Variants in CAND1 observed in about 807,000 individuals in gnomAD.
CAND1 encodes cullin-associated NEDD8-dissociated protein 1.
Under a neutral mutation model 108.5 loss-of-function variants are expected in CAND1, and 7 were observed. The observed-to-expected ratio is 0.06, with a 90% CI of 0.04 to 0.12. The LOEUF is 0.12. Ranked by LOEUF, CAND1 falls within the 10% of genes least tolerant of loss-of-function variation. CAND1 has a pLI of 1.00. For synonymous variants in CAND1, 534 were observed against 512.0 expected (o/e 1.04, Z -0.58); for missense variants, 941 against 1,448.7 (o/e 0.65, Z 5.69).
At chr12:67,287,893 T>C (rs2136000869) in intron 2 of CAND1, among the ~76,000 whole-genome samples, 1 of 150,910 alleles carries the variant, frequency 6.6e-6, no homozygotes, top group Middle Eastern at 3.5e-3. Flanking sequence ...CATTGGTTAT[T>C]TAGAAGCAGT....
Position 67,293,489 on chromosome 12 carries a change from C to G in CAND1, c.367+713C>G, listed in dbSNP as rs377517541. On this transcript the variant is annotated intron_variant, in intron 3 of 14. Coordinates refer to ENST00000545606, the MANE Select transcript of CAND1 (RefSeq NM_018448.5). Reference sequence around the variant, plus strand: ...AGTCTGGGGGCCGGGCGAGGTGGCTCACGCCTATAATCCCAGCACTTTGGG... The same window carrying G: ...AGTCTGGGGGCCGGGCGAGGTGGCTGACGCCTATAATCCCAGCACTTTGGG... Among the ~76,000 whole-genome samples, 167 of 152,330 alleles carry G rather than the reference C, an allele frequency of 1.1e-3. 1 individual carries two copies. In the South Asian group the frequency reaches 0.014, roughly 13 times the overall value.
chr12:67,303,436 T>TGA (rs2044845470), intron 8 of CAND1, among the ~76,000 whole-genome samples: 1 of 152,100 alleles, frequency 6.6e-6, no homozygotes, highest in African/African-American at 2.4e-5. Flanking sequence ...TAGAAGGAAA[T>TGA]GAGATAAAGT....
intron 1 of CAND1, among the ~76,000 whole-genome samples, chr12:67,276,724 T>TATGCCTTAG (rs1555180492): frequency 6.6e-6 from 1 of 152,220 alleles, no homozygotes; most frequent in African/African-American, 2.4e-5. Context: ...AAGAAAACAA[T>TATGCCTTAG]ATGCCTTAGC....
intron 1 of CAND1, among the ~76,000 whole-genome samples, chr12:67,276,620 A>G (rs2044571895): frequency 6.6e-6 from 1 of 152,236 alleles, no homozygotes; most frequent in African/African-American, 2.4e-5. Context: ...AAGAAGTATC[A>G]GTCACTCATT....
At chr12:67,291,016 C>T (rs1245177062) in intron 2 of CAND1, among the ~76,000 whole-genome samples, 1 of 152,168 alleles carries the variant, frequency 6.6e-6, no homozygotes, top group Non-Finnish European at 1.5e-5. Flanking sequence ...CTGAAACTGC[C>T]TCCCCTGCAA....
At chr12:67,285,782 G>A (rs918787013) in intron 2 of CAND1, among the ~76,000 whole-genome samples, 3 of 151,980 alleles carry the variant, frequency 2.0e-5, no homozygotes, top group Non-Finnish European at 4.4e-5. Context: ...ATGGAATTAC[G>A]TAGTATGTGT....
At chr12:67,291,106 G>A (rs1290802520) in intron 2 of CAND1, among the ~76,000 whole-genome samples, 3 of 152,134 alleles carry the variant, frequency 2.0e-5, no homozygotes, top group African/African-American at 7.2e-5. Flanking sequence ...TGAGATTCAT[G>A]TACCAAACTT....
intron 1 of CAND1, chr12:67,270,441 C>T (rs989903040): frequency 3.9e-5 from 6 of 152,234 alleles, no homozygotes; most frequent in African/African-American, 1.2e-4. Flanking sequence ...TTCCTCTTGT[C>T]AGGTAAAACC....
chr12:67,305,685 G>T lies in CAND1; in HGVS notation c.2017G>T (p.Ala673Ser). 1 of 1,614,022 alleles carries T rather than the reference G, an allele frequency of 6.2e-7. No homozygotes were observed. The highest frequency in any genetic ancestry group is 8.5e-7 in the Non-Finnish European group (1 of 1,179,956). Reference sequence around the variant, plus strand: ...AGCTTTGAAACTGGGTACTCTTTCTGCCCTTGATATTCTAATAAAAAACTA... The same window carrying T: ...AGCTTTGAAACTGGGTACTCTTTCTTCCCTTGATATTCTAATAAAAAACTA... ...QRALKLGTLS[A>S]LDILIKNYSD... is the part of the protein sequence containing the mutation. Residue 673 changes from alanine (A) to serine (S), a missense_variant, in exon 10 of 15, where the codon GCC becomes TCC. Physicochemically the swap from Ala to Ser is moderately conservative, Grantham distance 99 (BLOSUM62 1). This residue lies in a region of CAND1 where 697 missense variants were observed against 942.0 expected (regional missense o/e 0.74). Coordinates refer to ENST00000545606, the MANE Select transcript of CAND1 (RefSeq NM_018448.5). This position sits in a 1 kb window ranked among gnomAD's most constrained non-coding sequence, Gnocchi z 4.4.
chr12:67,292,580 C>G (rs2044732711), intron 2 of CAND1, 42 bp from the exon 3 acceptor site: 4 of 1,479,342 alleles, frequency 2.7e-6, no homozygotes, highest in Admixed American at 2.2e-5. Context: ...TGTTTTTGTG[C>G]TTATCTAGCT....
In CAND1 at chr12:67,314,065, C is replaced by T. The variant is rs1277894275; in HGVS notation, c.*1235C>T. On this transcript the variant is annotated 3_prime_UTR_variant, in exon 15 of 15. Transcript: ENST00000545606. ...CATATCCTTCAGTGAGCTCATTTCA[C>T]ACTGTAGCCTCTTCCTTAAAATTTG... 1 of 152,360 alleles carries T rather than the reference C, an allele frequency of 6.6e-6. No individual in the cohort carries two copies. Among genetic ancestry groups the T allele is most frequent in the Non-Finnish European group, 1.5e-5 (1 of 67,998 alleles). The allele number at this position is 152,360 out of a possible 1,614,324, so 9.4% of individuals were successfully genotyped here.
At chr12:67,272,842 A>G (rs1018864593) in intron 1 of CAND1, among the ~76,000 whole-genome samples, 2 of 152,046 alleles carry the variant, frequency 1.3e-5, no homozygotes, top group Non-Finnish European at 2.9e-5. Context: ...GATTACAGGC[A>G]CACACCACCA....
At chr12:67,284,196 A>G (rs1386022592) in intron 2 of CAND1, among the ~76,000 whole-genome samples, 2 of 152,160 alleles carry the variant, frequency 1.3e-5, no homozygotes, top group Middle Eastern at 3.2e-3. Context: ...GTACTGTTCT[A>G]GAACATAGGG....
At position 67,295,039 on chromosome 12, in the gene CAND1, C is replaced by T; in HGVS notation, c.374C>T (p.Ala125Val). The change falls in exon 4 of 15, where the codon GCA (alanine) becomes GTA (valine). Residue 125 changes from alanine to valine, a missense_variant. Ala to Val is a moderately conservative substitution (Grantham distance 64). This residue lies in a region of CAND1 where 697 missense variants were observed against 942.0 expected (regional missense o/e 0.74). Coordinates refer to ENST00000545606, the MANE Select transcript of CAND1 (RefSeq NM_018448.5). ...GELPPASSGS[A>V]LAANVCKKIT... The stretch of plus-strand genomic sequence containing the variant: ...TGGCTTCTTATTCATGCAGGCTCTG[C>T]ATTAGCTGCTAATGTATGTAAAAAG... 1.2e-6 allele frequency: 2 copies of T among 1,610,856 alleles called. No individual in the cohort carries two copies. Among genetic ancestry groups the T allele is most frequent in the Admixed American group, 3.3e-5 (2 of 59,758 alleles).
chr12:67,305,971 A>G lies in CAND1; in HGVS notation c.2303A>G (p.Asn768Ser). 6.2e-7 allele frequency: 1 copy of G among 1,614,196 alleles called. No individual in the cohort carries two copies. Among genetic ancestry groups the G allele is most frequent in the Non-Finnish European group, 8.5e-7 (1 of 1,180,026 alleles). Residue 768 changes from asparagine (N) to serine (S), a missense_variant, in exon 10 of 15, where the codon AAT becomes AGT. Coordinates refer to ENST00000545606, the MANE Select transcript of CAND1 (RefSeq NM_018448.5). The surrounding 1 kb of genome is among the most constrained non-coding windows in gnomAD (Gnocchi z 4.4). ...CAAGCTCTGGTTGTCACTGGAACAAATAATTTAGGATACATGGATTTGTTG... is the reference window on the plus strand; with the variant it reads ...CAAGCTCTGGTTGTCACTGGAACAAGTAATTTAGGATACATGGATTTGTTG... ...FFQALVVTGTNNLGYMDLLRM... is the reference protein window; with the variant it reads ...FFQALVVTGTSNLGYMDLLRM...
chr12:67,303,674 G>A (rs1458870276), intron 8 of CAND1, among the ~76,000 whole-genome samples: 1 of 152,264 alleles, frequency 6.6e-6, no homozygotes, highest in Middle Eastern at 3.4e-3. Context: ...TATTCTAGAA[G>A]CTCCGTTGAT....
chr12:67,282,325 C>G (rs1026112256), intron 2 of CAND1: 1 of 288,532 alleles, frequency 3.5e-6, no homozygotes, highest in African/African-American at 2.2e-5. Flanking sequence ...ATTTGTTTCA[C>G]TATAGTCTAC....
chr12:67,302,239 TTAAGAA>T, intron 7 of CAND1, 78 bp from the exon 8 acceptor site: 18 of 1,262,242 alleles, frequency 1.4e-5, no homozygotes, highest in Non-Finnish European at 1.9e-5. Context: ...ACTGATTTGG[TTAAGAA>T]TATCAATTGA....
rs748606273 is a variant in CAND1 at position 67,299,013 on chromosome 12, C to G, written c.918C>G (p.Thr306=). Residue 306 remains threonine (T), a synonymous_variant, in exon 7 of 15, where the codon ACC becomes ACG. Coordinates refer to ENST00000545606, the MANE Select transcript of CAND1 (RefSeq NM_018448.5). ...TIINICLKYL[T]YDPNYNYDDE... ...TAAATATTTGTCTTAAATATCTTAC[C>G]TATGATCCAAATTATAATTACGATG... 4 of 1,503,420 alleles carry G rather than the reference C, an allele frequency of 2.7e-6. No individual in the cohort carries two copies. The highest frequency in any genetic ancestry group is 3.7e-6 in the Non-Finnish European group (4 of 1,081,648). 93.1% of individuals were successfully genotyped at this position (1,503,420 alleles called of 1,614,324 possible).
Sources: gnomAD v4.1 joint callset for allele counts (sites outside exome capture counted in the v4.1 genomes callset) on GRCh38, gnomAD v4.1.1 for gene constraint, gnomAD v4.1.1 regional missense constraint, Gnocchi (gnomAD v3.1) non-coding constraint, MANE v1.5 for transcripts, NCBI Gene and HGNC (gene_info 2026-07-23, HGNC 2026-07-21) for gene names.